PIK3CA: variants seen among roughly 807,000 people sequenced by gnomAD.
PIK3CA encodes phosphatidylinositol-4,5-bisphosphate 3-kinase catalytic subunit alpha.
PIK3CA carries 27 observed loss-of-function variants against 138.2 expected under a neutral mutation model. That is an observed-to-expected ratio of 0.20 (90% CI 0.14 to 0.27). The LOEUF is 0.27. Ranked by LOEUF, PIK3CA falls within the 10% of genes least tolerant of loss-of-function variation. The pLI is 1.00. For synonymous variants in PIK3CA, 358 were observed against 413.2 expected (o/e 0.87, Z 1.62); for missense variants, 544 against 1,277.4 (o/e 0.43, Z 8.75).
intron 1 of PIK3CA, among the ~76,000 whole-genome samples, chr3:179,173,995 T>C (rs1381361910): frequency 1.3e-5 from 2 of 151,908 alleles, no homozygotes; most frequent in African/African-American, 2.4e-5. Context: ...CCCGAAGTGC[T>C]GGGATTACAG....
At chr3:179,218,037 C>T (rs374024830) in intron 9 of PIK3CA, among the ~76,000 whole-genome samples, 173 bp from the exon 10 acceptor site, 50 of 152,108 alleles carry the variant, frequency 3.3e-4, no homozygotes, top group African/African-American at 1.2e-3. Context: ...TAGATTGGTT[C>T]TTTCCTGTCT....
At chr3:179,158,243 C>G (rs1723187437) in intron 1 of PIK3CA, among the ~76,000 whole-genome samples, 1 of 152,066 alleles carries the variant, frequency 6.6e-6, no homozygotes, top group African/African-American at 2.4e-5. Flanking sequence ...CTCTAGGAAT[C>G]TGAATGCTAT....
chr3:179,188,127 C>T (rs190798304), intron 1 of PIK3CA, among the ~76,000 whole-genome samples: 196 of 152,306 alleles, frequency 1.3e-3, no homozygotes, highest in Admixed American at 3.9e-3. Context: ...TGGACCATTT[C>T]TTCTCAGGAC....
At chr3:179,156,069 A>T (rs141396466) in intron 1 of PIK3CA, among the ~76,000 whole-genome samples, 1 of 152,216 alleles carries the variant, frequency 6.6e-6, no homozygotes, top group African/African-American at 2.4e-5. Flanking sequence ...ATCACTCCCT[A>T]GAGAGAAGAC....
chr3:179,157,612 A>G (rs9839519), intron 1 of PIK3CA, among the ~76,000 whole-genome samples: 37,198 of 151,894 alleles, frequency 0.24, 5,605 homozygotes, highest in African/African-American at 0.42. Context: ...TCAGACATAT[A>G]TGTTTGTTTA....
chr3:179,173,387 C>T (rs185603674), intron 1 of PIK3CA, among the ~76,000 whole-genome samples: 26 of 134,854 alleles, frequency 1.9e-4, no homozygotes, highest in South Asian at 2.4e-4. Context: ...AGTGAAACCC[C>T]GTCTCTGCTA....
In PIK3CA at chr3:179,238,753, A is replaced by G. The variant is rs928242251; in HGVS notation, c.*4389A>G. On this transcript the variant is annotated 3_prime_UTR_variant, in exon 21 of 21. Transcript: ENST00000263967. ...CATTATTAGTGCATTTGGTGTGTGT[A>G]TACTTGCACACAATTCTGTTTGTGT... 8.9e-6 allele frequency: 2 copies of G among 225,834 alleles called. No homozygotes were observed. The highest frequency in any genetic ancestry group is 2.2e-5 in the African/African-American group (1 of 44,910). 14.0% of individuals were successfully genotyped at this position (225,834 alleles called of 1,614,324 possible). A position where few individuals can be genotyped will look rare whatever the true frequency, so the allele number is the denominator to read the frequency against.
At chr3:179,167,531 C>A (rs1467137862) in intron 1 of PIK3CA, among the ~76,000 whole-genome samples, 1 of 152,014 alleles carries the variant, frequency 6.6e-6, no homozygotes. Context: ...TATATAATTA[C>A]TTTTTAAATT....
intron 1 of PIK3CA, among the ~76,000 whole-genome samples, chr3:179,184,234 G>C (rs1447307040): frequency 6.6e-6 from 1 of 152,194 alleles, no homozygotes; most frequent in Non-Finnish European, 1.5e-5. Flanking sequence ...AGTATTGGCA[G>C]AATCACCACC....
rs142845249 is a variant in PIK3CA, at chr3:179,158,634, T to G, written c.-77+10031T>G. 6.7e-3 allele frequency among the ~76,000 whole-genome samples: 1,016 copies of G among 152,256 alleles called. 12 individuals carry two copies. The highest frequency in any genetic ancestry group is 0.023 in the African/African-American group (947 of 41,580). On this transcript the variant is annotated intron_variant, in intron 1 of 20. Transcript: ENST00000263967. ...TGTCCATTCTACTTGCTATGAAGTC[T>G]TTATTGAATATAATATTAAACTCTT...
intron 1 of PIK3CA, among the ~76,000 whole-genome samples, chr3:179,166,227 G>A (rs1723416288): frequency 6.6e-6 from 1 of 152,178 alleles, no homozygotes. Flanking sequence ...TAATTACCCA[G>A]CTTGTAAGCG....
chr3:179,239,788 A>G lies in PIK3CA; in HGVS notation c.*5424A>G. On this transcript the variant is annotated 3_prime_UTR_variant, in exon 21 of 21. Coordinates refer to ENST00000263967, the MANE Select transcript of PIK3CA (RefSeq NM_006218.4). ...CAAGTTTATTTCTCTATATTTTGTC[A>G]TTCAGTGAATTGAAGTCCTGTGGTA... The G allele has an allele frequency of 2.4e-6, 1 of 420,762 alleles. No individual in the cohort carries two copies. The highest frequency in any genetic ancestry group is 3.5e-5 in the East Asian group (1 of 28,464). The allele number at this position is 420,762 out of a possible 1,614,324, so 26.1% of individuals were successfully genotyped here.
At position 179,199,861 on chromosome 3, in the gene PIK3CA, C is replaced by T. The variant is rs1175225456; in HGVS notation, c.524C>T (p.Pro175Leu). 5 of 1,611,312 alleles carry T rather than the reference C, an allele frequency of 3.1e-6. No homozygotes were observed. Among genetic ancestry groups the T allele is most frequent in the East Asian group, 2.2e-5 (1 of 44,760 alleles). Reference protein sequence around the residue: ...YVYPPNVESSPELPKHIYNKL... With the variant: ...YVYPPNVESSLELPKHIYNKL... The stretch of plus-strand genomic sequence containing the variant: ...TATCCTCCAAATGTAGAATCTTCAC[C>T]AGAATTGCCAAAGCACATATATAAT... Residue 175 changes from proline (P) to leucine (L), a missense_variant, in exon 3 of 21, where the codon CCA (proline) becomes CTA (leucine). Physicochemically the swap from Pro to Leu is moderately conservative, Grantham distance 98. Around this residue, in one of 14 missense-constraint regions of PIK3CA, gnomAD observed 234 missense variants for 401.3 expected, o/e 0.58. Transcript: ENST00000263967.
At chr3:179,203,458 T>A in intron 4 of PIK3CA, 86 bp from the exon 5 acceptor site, 1 of 1,272,254 alleles carries the variant, frequency 7.9e-7, no homozygotes, top group Non-Finnish European at 1.1e-6. Context: ...CCTTTGCAGA[T>A]TAATATGTAG....
At chr3:179,185,904 A>C (rs1276483953) in intron 1 of PIK3CA, among the ~76,000 whole-genome samples, 1 of 152,148 alleles carries the variant, frequency 6.6e-6, no homozygotes, top group Non-Finnish European at 1.5e-5. Context: ...TCCTTTTTGG[A>C]TTTTTATGGA....
rs1268833353 is a variant in PIK3CA, at chr3:179,239,750, C to T, written c.*5386C>T. ...AGAAATTCGAACCACCCTTTTGGCC[C>T]CATTAATTGTAGCAAGTTTATTTCT... On this transcript the variant is annotated 3_prime_UTR_variant, in exon 21 of 21. Coordinates refer to ENST00000263967, the MANE Select transcript of PIK3CA (RefSeq NM_006218.4). The T allele has an allele frequency of 1.3e-5, 5 of 392,240 alleles. No homozygotes were observed. The highest frequency in any genetic ancestry group is 1.0e-4 in the African/African-American group (5 of 48,092). 24.3% of individuals were successfully genotyped at this position (392,240 alleles called of 1,614,324 possible).
chr3:179,230,658 A>G lies in PIK3CA; in HGVS notation c.2936+282A>G, dbSNP rs1303574097. ...AGTCCCAGCTACTCAGGAGGCTGAG[A>G]TGGGAGGATCACTTGAGCCCAGGAG... On this transcript the variant is annotated intron_variant, in intron 20 of 20. Transcript: ENST00000263967. The surrounding 1 kb of genome is among the most constrained non-coding windows in gnomAD (Gnocchi z 5.4). Among the ~76,000 whole-genome samples the G allele has an allele frequency of 6.6e-6, 1 of 151,950 alleles. No individual in the cohort carries two copies. Among genetic ancestry groups the G allele is most frequent in the Non-Finnish European group, 1.5e-5 (1 of 67,950 alleles).
intron 1 of PIK3CA, among the ~76,000 whole-genome samples, chr3:179,186,986 T>C (rs1428145299): frequency 3.9e-5 from 6 of 152,188 alleles, no homozygotes; most frequent in African/African-American, 1.4e-4. Context: ...CTTAGGATTG[T>C]TTCTCTCTTT....
At chr3:179,178,172 G>T (rs1270433319) in intron 1 of PIK3CA, among the ~76,000 whole-genome samples, 1 of 137,432 alleles carries the variant, frequency 7.3e-6, no homozygotes, top group African/African-American at 2.7e-5. Flanking sequence ...TATAGTCCCA[G>T]CTATTCAGGA....
Sources: allele counts gnomAD v4.1 joint callset (sites outside exome capture counted in the v4.1 genomes callset), GRCh38; gene constraint gnomAD v4.1.1; regional missense constraint gnomAD v4.1.1; non-coding constraint Gnocchi (gnomAD v3.1); transcripts MANE v1.5; gene names NCBI Gene and HGNC (gene_info 2026-07-23, HGNC 2026-07-21).